Variants in MROH7 observed in about 807,000 individuals in gnomAD.
MROH7 encodes maestro heat-like repeat-containing protein family member 7.
In MROH7, 113 loss-of-function variants were observed where a neutral mutation model predicts 129.2. That is an observed-to-expected ratio of 0.87 (90% CI 0.75 to 1.02). MROH7 has a LOEUF of 1.02. MROH7 is among the 50% of genes least tolerant of loss of function. The probability of loss-of-function intolerance (pLI) is 0.00; values close to 1 mark genes in which losing one functional copy is unlikely to be tolerated. For missense variants in MROH7, 1,601 were observed against 1,671.3 expected (o/e 0.96, Z 0.73); for synonymous variants, 655 against 667.9 (o/e 0.98, Z 0.30).
At chr1:54,669,160 A>G (rs1644857704) in intron 5 of MROH7, among the ~76,000 whole-genome samples, 2 of 152,170 alleles carry the variant, frequency 1.3e-5, no homozygotes, top group Non-Finnish European at 2.9e-5. Flanking sequence ...CATCTCACAG[A>G]TGGGTGTGAT....
chr1:54,692,721 G>A (rs1645259183), intron 16 of MROH7, among the ~76,000 whole-genome samples, 160 bp downstream of exon 16: 1 of 152,196 alleles, frequency 6.6e-6, no homozygotes, highest in Non-Finnish European at 1.5e-5. Flanking sequence ...TCCTTGGCAG[G>A]TAGACAATAC....
At chr1:54,671,201 C>T (rs1461604575) in intron 7 of MROH7, among the ~76,000 whole-genome samples, 1 of 151,882 alleles carries the variant, frequency 6.6e-6, no homozygotes, top group Non-Finnish European at 1.5e-5. Context: ...TCCTGGCTAA[C>T]ACGGTGAATC....
chr1:54,669,975 A>C (rs937457266), intron 5 of MROH7, among the ~76,000 whole-genome samples: 1 of 149,588 alleles, frequency 6.7e-6, no homozygotes, highest in Non-Finnish European at 1.5e-5. Context: ...TTACACTCCA[A>C]TCTGGGTAAC....
At chr1:54,681,706 C>T (rs887763366) in intron 13 of MROH7, among the ~76,000 whole-genome samples, 1 of 152,156 alleles carries the variant, frequency 6.6e-6, no homozygotes, top group African/African-American at 2.4e-5. Flanking sequence ...GGTGCAGATG[C>T]TTTTCCTTGC....
chr1:54,690,366 T>C (rs536674097), intron 15 of MROH7, among the ~76,000 whole-genome samples: 4 of 151,886 alleles, frequency 2.6e-5, no homozygotes, highest in Admixed American at 6.6e-5. Context: ...TGAAGCCTGA[T>C]TGAGGGAGTG....
At chr1:54,689,152 G>A (rs72669956) in intron 15 of MROH7, among the ~76,000 whole-genome samples, 25,362 of 152,116 alleles carry the variant, frequency 0.17, 2,325 homozygotes, top group East Asian at 0.29. Context: ...TCAAGATGAG[G>A]TCCTCCTGGA....
intron 7 of MROH7, among the ~76,000 whole-genome samples, chr1:54,671,444 C>T (rs1467112118): frequency 2.0e-5 from 3 of 152,186 alleles, no homozygotes; most frequent in African/African-American, 7.2e-5. Context: ...CTTCTGGGCC[C>T]TGCCCTATGG....
At chr1:54,670,341 G>C (rs1432734077) in intron 5 of MROH7, among the ~76,000 whole-genome samples, 156 bp from the exon 6 acceptor site, 1 of 152,186 alleles carries the variant, frequency 6.6e-6, no homozygotes, top group Non-Finnish European at 1.5e-5. Context: ...GTGGTGGCAT[G>C]AGCCTATAGT....
intron 16 of MROH7, among the ~76,000 whole-genome samples, chr1:54,694,023 A>G (rs991864103): frequency 6.6e-6 from 1 of 152,152 alleles, no homozygotes; most frequent in African/African-American, 2.4e-5. Flanking sequence ...CTGGGATCAC[A>G]GGCATGCGCC....
chr1:54,688,929 G>A (rs1291088696), intron 15 of MROH7, among the ~76,000 whole-genome samples: 1 of 152,188 alleles, frequency 6.6e-6, no homozygotes, highest in African/African-American at 2.4e-5. Context: ...GGAGAAGCTG[G>A]AGGAGTGCCC....
Position 54,710,240 on chromosome 1 carries a change from C to G in MROH7, c.*53C>G, listed in dbSNP as rs959948084. 7 of 1,578,800 alleles carry G rather than the reference C, an allele frequency of 4.4e-6. No homozygotes were observed. The Admixed American group carries it at 1.2e-4, about 27-fold the overall frequency. On this transcript the variant is annotated 3_prime_UTR_variant, in exon 24 of 24. Coordinates refer to ENST00000421030, the MANE Select transcript of MROH7 (RefSeq NM_001039464.4). Reference sequence around the variant, plus strand: ...GGTGGTTGAGTTCCAGCCATGCTCCCTATAAATGTCATGTGGCTTACCTCT... The same window carrying G: ...GGTGGTTGAGTTCCAGCCATGCTCCGTATAAATGTCATGTGGCTTACCTCT...
At position 54,703,114 on chromosome 1, in the gene MROH7, G is replaced by A. The variant is rs914791307; in HGVS notation, c.3564+369G>A. ...ACATTTGATCAATCTTAAATATCCC[G>A]AGTATCTTGGAATCTGCTTTTCCCT... On this transcript the variant is annotated intron_variant, in intron 21 of 23. Coordinates refer to ENST00000421030, the MANE Select transcript of MROH7 (RefSeq NM_001039464.4). The surrounding 1 kb of genome is among the most constrained non-coding windows in gnomAD (Gnocchi z 4.4). Among the ~76,000 whole-genome samples the A allele has an allele frequency of 1.3e-5, 2 of 152,012 alleles. No homozygotes were observed. The highest frequency in any genetic ancestry group is 2.9e-5 in the Non-Finnish European group (2 of 68,004).
intron 5 of MROH7, among the ~76,000 whole-genome samples, chr1:54,669,232 T>C (rs1371275656): frequency 1.3e-5 from 2 of 152,194 alleles, no homozygotes; most frequent in African/African-American, 4.8e-5. Context: ...CAGTAAAGGC[T>C]TGTACACCCA....
At chr1:54,702,486 A>T in intron 20 of MROH7, 137 bp from the exon 21 acceptor site, 2 of 870,270 alleles carry the variant, frequency 2.3e-6, no homozygotes, top group Non-Finnish European at 3.2e-6. Flanking sequence ...AAAATAAAAT[A>T]ATAGTAATTA....
At chr1:54,674,226 T>A (rs2101116858) in intron 10 of MROH7, 75 bp downstream of exon 10, 1 of 1,529,264 alleles carries the variant, frequency 6.5e-7, no homozygotes, top group African/African-American at 1.4e-5. Context: ...AAGAATCAGC[T>A]GGAGCCTTGG....
chr1:54,699,725 A>T, intron 17 of MROH7: 1 of 248,024 alleles, frequency 4.0e-6, no homozygotes, highest in Non-Finnish European at 7.8e-6. Flanking sequence ...TCCTCAGGGA[A>T]ATCCCCTGTT....
intron 15 of MROH7, among the ~76,000 whole-genome samples, chr1:54,691,406 T>C (rs1381359665): frequency 6.6e-6 from 1 of 152,240 alleles, no homozygotes; most frequent in East Asian, 1.9e-4. Flanking sequence ...AGCTGAGGTA[T>C]GTCCACAAAG....
At chr1:54,651,846 C>A (rs942753116) in intron 1 of MROH7, 103 bp from the exon 2 acceptor site, 1 of 138,096 alleles carries the variant, frequency 7.2e-6, no homozygotes, top group African/African-American at 2.7e-5. Context: ...GTGTGTAGTG[C>A]GGAGCTTGTT....
intron 3 of MROH7, among the ~76,000 whole-genome samples, chr1:54,660,115 T>C (rs561169358): frequency 1.3e-5 from 2 of 152,320 alleles, no homozygotes; most frequent in South Asian, 2.1e-4. Flanking sequence ...CATAACAAAA[T>C]GCCTGAGACT....
Sources: gnomAD v4.1 joint callset for allele counts (sites outside exome capture counted in the v4.1 genomes callset) on GRCh38, gnomAD v4.1.1 for gene constraint, Gnocchi (gnomAD v3.1) non-coding constraint, MANE v1.5 for transcripts, NCBI Gene and HGNC (gene_info 2026-07-23, HGNC 2026-07-21) for gene names.